Variants in WDR37 observed in about 807,000 individuals in gnomAD.
The protein encoded by WDR37 is WD repeat domain 37, also known as WD repeat-containing protein 37.
Under a neutral mutation model 62.9 loss-of-function variants are expected in WDR37, and 19 were observed. That is an observed-to-expected ratio of 0.30 (90% CI 0.21 to 0.44). WDR37 has a LOEUF of 0.44. WDR37 is among the 20% of genes least tolerant of loss of function. The pLI, the probability that WDR37 is intolerant of heterozygous loss-of-function variation, is 1.00. For missense variants in WDR37, 474 were observed against 657.6 expected (o/e 0.72, Z 3.05); for synonymous variants, 250 against 260.9 (o/e 0.96, Z 0.40).
chr10:1,095,292 C>T (rs1434590588), intron 8 of WDR37, among the ~76,000 whole-genome samples: 2 of 130,968 alleles, frequency 1.5e-5, no homozygotes, highest in Non-Finnish European at 3.1e-5. Flanking sequence ...AGGTAATGGG[C>T]ATAGAGAGGA....
rs200599030 is a variant in WDR37 at position 1,125,071 on chromosome 10, C to T, written c.1353+47C>T. On this transcript the variant is annotated intron_variant, in intron 13 of 13. Coordinates refer to ENST00000263150, the MANE Select transcript of WDR37 (RefSeq NM_014023.4). ...ATATGCAGGGCACAGTGGAGGAGGA[C>T]GGGTAGAGATATTTTACATTCTCAT... is the stretch of plus-strand genomic sequence containing the variant. 3.0e-4 allele frequency: 477 copies of T among 1,595,068 alleles called. 2 individuals carry two copies. In the African/African-American group the frequency reaches 5.7e-3, roughly 19 times the overall value.
intron 2 of WDR37, among the ~76,000 whole-genome samples, chr10:1,072,692 A>G (rs2131615919): frequency 4.8e-3 from 1 of 210 alleles, no homozygotes; most frequent in African/African-American, 5.4e-3. Flanking sequence ...CTCCAAAGTA[A>G]AAAAAAAAGG....
At position 1,124,218 on chromosome 10, in the gene WDR37, C is replaced by T. The variant is rs200600928; in HGVS notation, c.1104C>T (p.Asp368=). ...HSVNVFQGHT[D]TVTSAVFTVG... ...CTGACTCTGTGCCCTTTGTTCATAG[C>T]ACTGTGACTTCTGCCGTGTTCACCG... is the stretch of plus-strand genomic sequence containing the variant. The change falls in exon 12 of 14, where the codon GAC becomes GAT. Residue 368 remains aspartate (D), a splice_region_variant and synonymous_variant. Coordinates refer to ENST00000263150, the MANE Select transcript of WDR37 (RefSeq NM_014023.4). The T allele has an allele frequency of 2.1e-5, 34 of 1,614,072 alleles. No individual in the cohort carries two copies. The East Asian group carries it at 4.0e-4, about 19-fold the overall frequency.
At chr10:1,119,382 C>T (rs1835502197) in intron 11 of WDR37, among the ~76,000 whole-genome samples, 2 of 152,188 alleles carry the variant, frequency 1.3e-5, no homozygotes, top group Non-Finnish European at 2.9e-5. Context: ...GCCCCCATAG[C>T]TCATGGATCT....
At chr10:1,066,431 T>C (rs1019271632) in intron 1 of WDR37, among the ~76,000 whole-genome samples, 7 of 152,288 alleles carry the variant, frequency 4.6e-5, no homozygotes, top group South Asian at 4.1e-4. Context: ...CTAGGACTAA[T>C]GCAGAAAAAA....
chr10:1,129,057 G>A (rs1336412484), intron 13 of WDR37, among the ~76,000 whole-genome samples, 156 bp from the exon 14 acceptor site: 2 of 151,926 alleles, frequency 1.3e-5, no homozygotes, highest in Non-Finnish European at 2.9e-5. Flanking sequence ...ATGCTTGGTG[G>A]TCCGTGCTCG....
intron 13 of WDR37, 185 bp downstream of exon 13, chr10:1,125,209 A>G (rs1413212022): frequency 1.5e-6 from 1 of 652,152 alleles, no homozygotes; most frequent in Non-Finnish European, 1.9e-6. Context: ...GTTATTCCAC[A>G]CCTACTTCAG....
intron 1 of WDR37, among the ~76,000 whole-genome samples, chr10:1,070,282 G>T (rs1833688794): frequency 6.6e-6 from 1 of 151,798 alleles, no homozygotes; most frequent in South Asian, 2.1e-4. Context: ...AGAAGCTTGT[G>T]ATTAAGTTAA....
intron 1 of WDR37, among the ~76,000 whole-genome samples, chr10:1,058,744 C>T (rs1366904142): frequency 6.6e-6 from 1 of 152,218 alleles, no homozygotes; most frequent in Non-Finnish European, 1.5e-5. Flanking sequence ...AGACCATTCT[C>T]TTCCTCGATA....
At chr10:1,102,470 G>T (rs961903989) in intron 9 of WDR37, among the ~76,000 whole-genome samples, 6 of 152,236 alleles carry the variant, frequency 3.9e-5, no homozygotes, top group Non-Finnish European at 8.8e-5. Context: ...TGTACAGGAA[G>T]CGTGGCACCA....
intron 1 of WDR37, among the ~76,000 whole-genome samples, chr10:1,067,855 G>GCGCACA (rs548366159): frequency 4.6e-5 from 7 of 152,064 alleles, no homozygotes; most frequent in Non-Finnish European, 7.4e-5. Context: ...AAAATGTGGT[G>GCGCACA]CGCACACACA....
intron 1 of WDR37, among the ~76,000 whole-genome samples, chr10:1,069,389 A>ATATTTTTTTTTTTTTTTTTTTT: frequency 3.1e-5 from 3 of 95,808 alleles, no homozygotes; most frequent in Non-Finnish European, 3.8e-5. Context: ...ATATATATAT[A>ATATTTTTTTTTTTTTTTTTTTT]TTTTTTTTTT....
At position 1,075,169 on chromosome 10, in the gene WDR37, G is replaced by A. The variant is rs1833836412; in HGVS notation, c.139-2738G>A. Among the ~76,000 whole-genome samples the A allele has an allele frequency of 1.3e-5, 2 of 152,202 alleles. 1 individual carries two copies. The highest frequency in any genetic ancestry group is 4.1e-4 in the South Asian group (2 of 4,826). Reference sequence around the variant, plus strand: ...GTAAGCGCGCTCTTCCTGGGCTCAAGTTGCCCTCTAGTGGGACAAGTCCTC... The same window carrying A: ...GTAAGCGCGCTCTTCCTGGGCTCAAATTGCCCTCTAGTGGGACAAGTCCTC... On this transcript the variant is annotated intron_variant, in intron 2 of 13. Transcript: ENST00000263150.
chr10:1,084,314 T>G, intron 5 of WDR37, 89 bp from the exon 6 acceptor site: 1 of 1,506,396 alleles, frequency 6.6e-7, no homozygotes, highest in Non-Finnish European at 9.1e-7. Flanking sequence ...TTGTGCATTT[T>G]CCAAGACGTC....
chr10:1,098,432 A>T (rs1834672628), intron 9 of WDR37, among the ~76,000 whole-genome samples: 1 of 143,810 alleles, frequency 7.0e-6, no homozygotes, highest in African/African-American at 2.6e-5. Flanking sequence ...GGTTCAAGGG[A>T]TTCTCCTGCC....
At chr10:1,108,627 C>T (rs972472391) in intron 11 of WDR37, among the ~76,000 whole-genome samples, 2 of 152,090 alleles carry the variant, frequency 1.3e-5, no homozygotes, top group Admixed American at 1.3e-4. Context: ...CTTCTGTCTA[C>T]ACTGGTTAGT....
Position 1,093,505 on chromosome 10 carries a change from AT to A in WDR37, c.649+16del, listed in dbSNP as rs781166109. ...GCAGTTGGCTCTCACTGGTATGTTG[AT>A]TTTTTTCTTTATTGAACAAAATGAT... On this transcript the variant is annotated intron_variant, in intron 8 of 13. Coordinates refer to ENST00000263150, the MANE Select transcript of WDR37 (RefSeq NM_014023.4). 18 of 1,603,474 alleles carry A rather than the reference AT, an allele frequency of 1.1e-5. No homozygotes were observed. Among genetic ancestry groups the A allele is most frequent in the Admixed American group, 1.7e-5 (1 of 58,932 alleles).
intron 2 of WDR37, 69 bp from the exon 3 acceptor site, chr10:1,077,838 G>A (rs767749873): frequency 1.3e-4 from 152 of 1,148,926 alleles, no homozygotes; most frequent in Middle Eastern, 4.8e-4. Context: ...AATTCACTTT[G>A]GAAAAAGCAT....
At chr10:1,099,149 T>C (rs1834704003) in intron 9 of WDR37, among the ~76,000 whole-genome samples, 1 of 152,256 alleles carries the variant, frequency 6.6e-6, no homozygotes. Flanking sequence ...ACTGTTTGCC[T>C]TGTGCTCTCT....
Sources: allele counts gnomAD v4.1 joint callset (sites outside exome capture counted in the v4.1 genomes callset), GRCh38; gene constraint gnomAD v4.1.1; transcripts MANE v1.5; gene names NCBI Gene and HGNC (gene_info 2026-07-23, HGNC 2026-07-21).